SPOCK1: variants seen among roughly 807,000 people sequenced by gnomAD.
SPOCK1 encodes the protein SPARC (osteonectin), cwcv and kazal like domains proteoglycan 1.
A neutral mutation model predicts 55.3 loss-of-function variants in SPOCK1; 23 were observed. The observed-to-expected ratio is 0.42, with a 90% CI of 0.30 to 0.59. SPOCK1 has a LOEUF of 0.59. Among genes scored for constraint, SPOCK1 ranks in the 20% least tolerant of loss-of-function variants. The pLI is 0.22. For missense variants in SPOCK1, 499 were observed against 552.5 expected (o/e 0.90, Z 0.97); for synonymous variants, 226 against 221.0 (o/e 1.02, Z -0.20).
intron 3 of SPOCK1, among the ~76,000 whole-genome samples, chr5:137,266,161 G>A (rs569666451): frequency 1.4e-4 from 21 of 152,258 alleles, no homozygotes; most frequent in South Asian, 6.2e-4. Flanking sequence ...CGATTTCTTC[G>A]TATCAAGTTG....
chr5:137,234,579 T>C (rs1015381921), intron 3 of SPOCK1, among the ~76,000 whole-genome samples: 1 of 152,190 alleles, frequency 6.6e-6, no homozygotes, highest in Admixed American at 6.5e-5. Context: ...TCATATCCCA[T>C]TGTATCTTTT....
At chr5:137,275,229 C>T (rs1301465399) in intron 2 of SPOCK1, among the ~76,000 whole-genome samples, 2 of 152,220 alleles carry the variant, frequency 1.3e-5, no homozygotes, top group South Asian at 2.1e-4. Context: ...CAGCCTTGTC[C>T]GAGTATCACA....
intron 2 of SPOCK1, among the ~76,000 whole-genome samples, chr5:137,427,529 T>C (rs537379343): frequency 4.9e-4 from 74 of 152,308 alleles, no homozygotes; most frequent in Non-Finnish European, 8.1e-4. Context: ...TGGAGTAAGA[T>C]GCCTACCAGG....
At chr5:137,487,567 T>C (rs377261432) in intron 2 of SPOCK1, among the ~76,000 whole-genome samples, 2 of 152,334 alleles carry the variant, frequency 1.3e-5, no homozygotes, top group East Asian at 1.9e-4. Flanking sequence ...CTTTTCACTA[T>C]AAACTAAAGC....
intron 3 of SPOCK1, among the ~76,000 whole-genome samples, chr5:137,198,371 T>C (rs1755344996): frequency 6.6e-6 from 1 of 152,262 alleles, no homozygotes; most frequent in Non-Finnish European, 1.5e-5. Context: ...TCTCAATATA[T>C]GGCTAACTGC....
intron 2 of SPOCK1, among the ~76,000 whole-genome samples, chr5:137,339,959 T>C (rs1750381691): frequency 6.6e-6 from 1 of 152,214 alleles, no homozygotes; most frequent in Non-Finnish European, 1.5e-5. Context: ...TGTGTGCTCC[T>C]GCACATGCCA....
chr5:137,139,914 A>G (rs894229493), intron 4 of SPOCK1, among the ~76,000 whole-genome samples: 3 of 152,210 alleles, frequency 2.0e-5, no homozygotes, highest in Non-Finnish European at 4.4e-5. Context: ...CATTTGTGAA[A>G]GCCTAAATCC....
intron 4 of SPOCK1, among the ~76,000 whole-genome samples, chr5:137,137,550 A>G (rs567718170): frequency 2.0e-5 from 3 of 152,334 alleles, no homozygotes; most frequent in South Asian, 4.1e-4. Flanking sequence ...GCCACCTCCC[A>G]GATCTTGATA....
intron 3 of SPOCK1, among the ~76,000 whole-genome samples, chr5:137,142,652 A>G (rs373586168): frequency 6.6e-6 from 1 of 152,196 alleles, no homozygotes; most frequent in African/African-American, 2.4e-5. Context: ...CAGAGTGTTC[A>G]TTCACTCAGA....
intron 2 of SPOCK1, among the ~76,000 whole-genome samples, chr5:137,308,679 G>A (rs1024489497): frequency 1.3e-5 from 2 of 152,160 alleles, no homozygotes; most frequent in African/African-American, 4.8e-5. Flanking sequence ...CATCTCCTGT[G>A]TAACCAATTC....
At chr5:137,227,453 A>G (rs982547860) in intron 3 of SPOCK1, among the ~76,000 whole-genome samples, 1 of 152,236 alleles carries the variant, frequency 6.6e-6, no homozygotes, top group African/African-American at 2.4e-5. Flanking sequence ...TTTAAAGTAC[A>G]TCATCATCAG....
At chr5:137,185,980 C>G (rs1289058244) in intron 3 of SPOCK1, among the ~76,000 whole-genome samples, 14 of 152,180 alleles carry the variant, frequency 9.2e-5, no homozygotes, top group Admixed American at 9.2e-4. Flanking sequence ...GGAAAGGCAG[C>G]GTATCGAAAC....
intron 3 of SPOCK1, among the ~76,000 whole-genome samples, chr5:137,234,277 T>G (rs557273929): frequency 1.3e-5 from 2 of 152,280 alleles, no homozygotes; most frequent in South Asian, 2.1e-4. Flanking sequence ...CCTCTTACCC[T>G]GGGGCTGGGT....
At chr5:136,986,680 G>A (rs1377506352) in intron 8 of SPOCK1, among the ~76,000 whole-genome samples, 1 of 152,076 alleles carries the variant, frequency 6.6e-6, no homozygotes, top group African/African-American at 2.4e-5. Flanking sequence ...AACCACCAGG[G>A]AGGGAATATA....
intron 6 of SPOCK1, among the ~76,000 whole-genome samples, chr5:137,010,466 T>C (rs112355937): frequency 1.6e-3 from 247 of 151,866 alleles, no homozygotes; most frequent in African/African-American, 5.7e-3. Flanking sequence ...TGGGACACTA[T>C]GATGTAGCAC....
chr5:137,359,930 C>T (rs1299737747), intron 2 of SPOCK1, among the ~76,000 whole-genome samples: 5 of 152,280 alleles, frequency 3.3e-5, no homozygotes, highest in South Asian at 2.1e-4. Context: ...CAGAGACCCT[C>T]GTGGTGACAA....
intron 5 of SPOCK1, among the ~76,000 whole-genome samples, chr5:137,101,517 C>T (rs1753263836): frequency 6.6e-6 from 1 of 152,196 alleles, no homozygotes; most frequent in African/African-American, 2.4e-5. Flanking sequence ...GAAATGAAAA[C>T]CTATTCTTCA....
chr5:136,992,662 G>T (rs572410517), intron 6 of SPOCK1, 62 bp from the exon 7 acceptor site: 1 of 1,353,542 alleles, frequency 7.4e-7, no homozygotes, highest in Non-Finnish European at 1.0e-6. Context: ...TGTGTGCAGG[G>T]CTACTGGCAA....
intron 2 of SPOCK1, among the ~76,000 whole-genome samples, chr5:137,475,055 G>A (rs1430610975): frequency 6.6e-6 from 1 of 152,176 alleles, no homozygotes; most frequent in Non-Finnish European, 1.5e-5. Context: ...CTAGCCGGCA[G>A]ACACCCCCTT....
Sources: gnomAD v4.1 joint callset for allele counts (sites outside exome capture counted in the v4.1 genomes callset) on GRCh38, gnomAD v4.1.1 for gene constraint, MANE v1.5 for transcripts, NCBI Gene and HGNC (gene_info 2026-07-23, HGNC 2026-07-21) for gene names.